Variants in KALRN observed in about 807,000 individuals in gnomAD.
The protein encoded by KALRN is kalirin.
KALRN carries 70 observed loss-of-function variants against 353.7 expected under a neutral mutation model. The observed-to-expected ratio is 0.20, with a 90% CI of 0.16 to 0.24. The LOEUF (loss-of-function observed/expected upper bound fraction) is 0.24, where lower values mean the gene tolerates loss of function less well. KALRN is among the 10% of genes least tolerant of loss of function. The probability of loss-of-function intolerance (pLI) is 1.00; values close to 1 mark genes in which losing one functional copy is unlikely to be tolerated. For synonymous variants in KALRN, 1,391 were observed against 1,434.8 expected, an observed-to-expected ratio of 0.97 and a Z score of 0.69; for missense variants, 2,791 against 3,756.7, an observed-to-expected ratio of 0.74 and a Z score of 6.72.
chr3:124,174,830 C>T (rs938025362), intron 1 of KALRN, among the ~76,000 whole-genome samples: 1 of 152,238 alleles, frequency 6.6e-6, no homozygotes, highest in Non-Finnish European at 1.5e-5. Context: ...CTCTTGATTT[C>T]AGCTCTTATA....
intron 1 of KALRN, among the ~76,000 whole-genome samples, chr3:124,149,307 T>C (rs1206218898): frequency 2.0e-5 from 3 of 152,180 alleles, no homozygotes; most frequent in African/African-American, 7.2e-5. Context: ...TGACCTTTTG[T>C]AGTAGAGTCA....
intron 34 of KALRN, among the ~76,000 whole-genome samples, chr3:124,575,039 C>T (rs1414885416): frequency 6.6e-6 from 1 of 152,252 alleles, no homozygotes; most frequent in Non-Finnish European, 1.5e-5. Flanking sequence ...TTAACCCAAA[C>T]CCTGCAAACA....
intron 25 of KALRN, among the ~76,000 whole-genome samples, chr3:124,469,782 A>G (rs1359620307): frequency 2.0e-5 from 3 of 152,210 alleles, no homozygotes; most frequent in Non-Finnish European, 2.9e-5. Flanking sequence ...GCACATTGAC[A>G]TACAAGGTCA....
chr3:124,404,735 C>A (rs2091314430), intron 13 of KALRN, among the ~76,000 whole-genome samples: 1 of 147,412 alleles, frequency 6.8e-6, no homozygotes, highest in Non-Finnish European at 1.5e-5. Flanking sequence ...AATGTTGTGG[C>A]TGTTTGAAAA....
intron 15 of KALRN, among the ~76,000 whole-genome samples, chr3:124,423,601 C>T (rs542725968): frequency 3.7e-4 from 56 of 152,214 alleles, no homozygotes; most frequent in Non-Finnish European, 7.2e-4. Context: ...ACAGGCCAGG[C>T]ATGGTGGTTC....
chr3:124,076,582 T>C (rs2060270469), intron 1 of KALRN, among the ~76,000 whole-genome samples: 1 of 152,242 alleles, frequency 6.6e-6, no homozygotes, highest in Non-Finnish European at 1.5e-5. Flanking sequence ...AACTCCTCTG[T>C]GCTTCTGTTT....
chr3:124,494,077 A>G (rs750559478), intron 32 of KALRN, among the ~76,000 whole-genome samples: 3 of 152,236 alleles, frequency 2.0e-5, no homozygotes, highest in Non-Finnish European at 4.4e-5. Flanking sequence ...GAGGCTGACT[A>G]GGCTTATTTA....
chr3:124,168,244 G>A (rs1022319885), intron 1 of KALRN, among the ~76,000 whole-genome samples: 14 of 152,158 alleles, frequency 9.2e-5, no homozygotes, highest in African/African-American at 2.9e-4. Flanking sequence ...AGAGTTATGC[G>A]TATAAAGCAA....
chr3:124,379,369 A>G (rs1489122704), intron 10 of KALRN, among the ~76,000 whole-genome samples: 1 of 152,038 alleles, frequency 6.6e-6, no homozygotes, highest in Non-Finnish European at 1.5e-5. Flanking sequence ...TCTCCTTCTC[A>G]TAGGTGAGAT....
intron 25 of KALRN, among the ~76,000 whole-genome samples, chr3:124,473,902 A>T (rs143430797): frequency 2.6e-4 from 39 of 152,278 alleles, no homozygotes; most frequent in African/African-American, 9.1e-4. Context: ...TATTTGAAAA[A>T]TATTTTGTTT....
At chr3:124,482,681 T>C (rs1388419545) in intron 27 of KALRN, 127 bp from the exon 28 acceptor site, 3 of 667,338 alleles carry the variant, frequency 4.5e-6, no homozygotes, top group Non-Finnish European at 8.2e-6. Flanking sequence ...TGAAAGAACA[T>C]GTTCTCATAC....
At chr3:124,251,941 T>A (rs2071234776) in intron 3 of KALRN, among the ~76,000 whole-genome samples, 1 of 152,216 alleles carries the variant, frequency 6.6e-6, no homozygotes, top group East Asian at 1.9e-4. Context: ...TGTTTTGTTT[T>A]GTTTTTTAAT....
chr3:124,139,237 G>T (rs1034692954), intron 1 of KALRN, among the ~76,000 whole-genome samples: 1 of 152,130 alleles, frequency 6.6e-6, no homozygotes, highest in Non-Finnish European at 1.5e-5. Context: ...TTCTGATGTT[G>T]ACAACACTCT....
chr3:124,623,122 T>C (rs2079473543), intron 34 of KALRN, among the ~76,000 whole-genome samples: 1 of 151,954 alleles, frequency 6.6e-6, no homozygotes, highest in Non-Finnish European at 1.5e-5. Context: ...TCTTCCTTTC[T>C]TTTTTGTCTC....
chr3:124,606,650 G>C (rs1266548409), intron 34 of KALRN, among the ~76,000 whole-genome samples: 1 of 152,186 alleles, frequency 6.6e-6, no homozygotes, highest in South Asian at 2.1e-4. Context: ...ATTTCAGAAG[G>C]ATTTCAGGCA....
chr3:124,474,747 A>G lies in KALRN; in HGVS notation c.4101+15A>G. 1.2e-6 allele frequency: 2 copies of G among 1,607,518 alleles called. No individual in the cohort carries two copies. The highest frequency in any genetic ancestry group is 1.7e-6 in the Non-Finnish European group (2 of 1,174,016). On this transcript the variant is annotated intron_variant, in intron 26 of 59. Transcript: ENST00000682506. ...TTGTTACCTGGGTAACCAACCTGAA[A>G]TCCTTCTCCCACTGCCCATACACAT... is the stretch of plus-strand genomic sequence containing the variant.
intron 37 of KALRN, among the ~76,000 whole-genome samples, chr3:124,641,633 A>G (rs2082046245): frequency 6.6e-6 from 1 of 152,204 alleles, no homozygotes; most frequent in African/African-American, 2.4e-5. Flanking sequence ...AGTTATGATG[A>G]TAATTGAGTA....
In KALRN at chr3:124,151,125, G is replaced by A. The variant is rs1003957579; in HGVS notation, c.74-76865G>A. On this transcript the variant is annotated intron_variant, in intron 1 of 59. Transcript: ENST00000682506. ...GTTGTTTCCAGCTTGGTGCTATTAT[G>A]AATAAAGCCGCTATGGATACTCTCG... 2.4e-4 allele frequency among the ~76,000 whole-genome samples: 36 copies of A among 152,128 alleles called. 1 individual carries two copies. The highest frequency in any genetic ancestry group is 8.7e-4 in the African/African-American group (36 of 41,426).
intron 34 of KALRN, among the ~76,000 whole-genome samples, chr3:124,627,558 C>T (rs139905767): frequency 3.9e-5 from 6 of 152,298 alleles, no homozygotes; most frequent in East Asian, 1.9e-4. Flanking sequence ...TTAATGTGGC[C>T]GGACTTCTAG....
Sources: gnomAD v4.1 joint callset for allele counts (sites outside exome capture counted in the v4.1 genomes callset) on GRCh38, gnomAD v4.1.1 for gene constraint, MANE v1.5 for transcripts, NCBI Gene and HGNC (gene_info 2026-07-23, HGNC 2026-07-21) for gene names.